PCDHGC3: variants seen among roughly 807,000 people sequenced by gnomAD.
PCDHGC3 encodes the protein protocadherin gamma-C3.
PCDHGC3 carries 26 observed loss-of-function variants against 59.2 expected under a neutral mutation model. The observed-to-expected ratio is 0.44, with a 90% confidence interval of 0.32 to 0.61. The LOEUF (loss-of-function observed/expected upper bound fraction) is 0.61, where lower values mean the gene tolerates loss of function less well. PCDHGC3 is among the 20% of genes least tolerant of loss of function. PCDHGC3 has a pLI of 0.05. For synonymous variants in PCDHGC3, 487 were observed against 519.7 expected (o/e 0.94, Z 0.86); for missense variants, 1,080 against 1,221.8 (o/e 0.88, Z 1.73).
intron 1 of PCDHGC3, among the ~76,000 whole-genome samples, chr5:141,483,767 T>C (rs2099586826): frequency 6.6e-6 from 1 of 151,840 alleles, no homozygotes; most frequent in Non-Finnish European, 1.5e-5. Flanking sequence ...CTTGGAAAAA[T>C]ATTGGGGAAG....
In PCDHGC3 at chr5:141,476,715, G is replaced by A. The variant is rs199871912; in HGVS notation, c.599G>A (p.Arg200His). 12 of 1,614,168 alleles carry A rather than the reference G, an allele frequency of 7.4e-6. No individual in the cohort carries two copies. The highest frequency in any genetic ancestry group is 1.7e-5 in the Admixed American group (1 of 60,032). Residue 200 changes from arginine (R) to histidine (H), a missense_variant, in exon 1 of 4, where the codon CGC becomes CAC. Arg to His is a conservative substitution (Grantham distance 29). Coordinates refer to ENST00000308177, the MANE Select transcript of PCDHGC3 (RefSeq NM_002588.4). The surrounding 1 kb of genome is among the most constrained non-coding windows in gnomAD (Gnocchi z 7.6). ...STKYAELVLE[R>H]ALDREREPSL... ...AAGTACGCGGAGCTGGTGTTGGAGC[G>A]CGCCCTGGACCGAGAACGGGAGCCT...
chr5:141,476,070 C>T lies in PCDHGC3; in HGVS notation c.-47C>T. ...CCCGCTGAAAGTTTCTCAGCGAAAT[C>T]TCAGGGACGATCTGGACCCCGCTGA... is the stretch of plus-strand genomic sequence containing the variant. On this transcript the variant is annotated 5_prime_UTR_variant, in exon 1 of 4. Transcript: ENST00000308177. This position sits in a 1 kb window ranked among gnomAD's most constrained non-coding sequence, Gnocchi z 7.6. 6.6e-7 allele frequency: 1 copy of T among 1,522,382 alleles called. No individual in the cohort carries two copies. The highest frequency in any genetic ancestry group is 1.3e-5 in the South Asian group (1 of 77,762). 94.3% of individuals were successfully genotyped at this position (1,522,382 alleles called of 1,614,324 possible). A position where few individuals can be genotyped will look rare whatever the true frequency, so the allele number is the denominator to read the frequency against.
chr5:141,505,053 T>C (rs904041070), intron 2 of PCDHGC3, among the ~76,000 whole-genome samples: 2 of 152,108 alleles, frequency 1.3e-5, no homozygotes, highest in African/African-American at 4.8e-5. Context: ...TCCCAGCTAC[T>C]TGGGAGACTG....
Position 141,489,767 on chromosome 5 carries a change from G to T in PCDHGC3, c.2431-5040G>T, listed in dbSNP as rs2099691977. On this transcript the variant is annotated intron_variant, in intron 1 of 3. Transcript: ENST00000308177. This position sits in a 1 kb window ranked among gnomAD's most constrained non-coding sequence, Gnocchi z 4.5. ...AGCTTTTACACTCTAAGCCCCAACA[G>T]CCACTTCTCTCTGAATGTGAAGACC... The T allele has an allele frequency of 6.2e-7, 1 of 1,614,028 alleles. No homozygotes were observed. Among genetic ancestry groups the T allele is most frequent in the African/African-American group, 1.3e-5 (1 of 74,938 alleles).
intron 1 of PCDHGC3, among the ~76,000 whole-genome samples, chr5:141,481,743 G>C (rs1257734207): frequency 1.3e-5 from 2 of 152,096 alleles, no homozygotes; most frequent in Non-Finnish European, 2.9e-5. Context: ...CACGAGGTCA[G>C]GAGTCCAAGA....
rs1219045744 is a variant in PCDHGC3 at position 141,476,783 on chromosome 5, G to T, written c.667G>T (p.Ala223Ser). The stretch of plus-strand genomic sequence containing the variant: ...GACGGCGTTGGACGGAGGGACCCCA[G>T]CTCTCTCCGCCAGCCTGCCTATTCA... The part of the protein sequence containing the change: ...VLTALDGGTP[A>S]LSASLPIHIK... Residue 223 changes from alanine to serine, a missense_variant, in exon 1 of 4, where the codon GCT becomes TCT. Ala to Ser is a moderately conservative substitution (Grantham distance 99). Transcript: ENST00000308177. The surrounding 1 kb of genome is among the most constrained non-coding windows in gnomAD (Gnocchi z 7.6). 5 of 1,613,392 alleles carry T rather than the reference G, an allele frequency of 3.1e-6. No homozygotes were observed. The highest frequency in any genetic ancestry group is 2.7e-5 in the African/African-American group (2 of 74,930).
chr5:141,476,587 G>A lies in PCDHGC3; in HGVS notation c.471G>A (p.Glu157=). The part of the protein sequence containing the change: ...AVAPGTRFPL[E]SAHDPDVGSN... ...CTCCGGGGACGCGCTTTCCGCTCGA[G>A]AGCGCGCACGATCCCGATGTGGGAA... Residue 157 remains glutamate, a synonymous_variant, in exon 1 of 4, where the codon GAG becomes GAA. Coordinates refer to ENST00000308177, the MANE Select transcript of PCDHGC3 (RefSeq NM_002588.4). The surrounding 1 kb of genome is among the most constrained non-coding windows in gnomAD (Gnocchi z 7.6). 6.2e-7 allele frequency: 1 copy of A among 1,614,234 alleles called. No homozygotes were observed. The highest frequency in any genetic ancestry group is 1.1e-5 in the South Asian group (1 of 91,086).
Position 141,489,454 on chromosome 5 carries a change from G to C in PCDHGC3, c.2431-5353G>C, listed in dbSNP as rs1177748773. 1 of 1,613,940 alleles carries C rather than the reference G, an allele frequency of 6.2e-7. No homozygotes were observed. The highest frequency in any genetic ancestry group is 1.3e-5 in the African/African-American group (1 of 74,906). On this transcript the variant is annotated intron_variant, in intron 1 of 3. Transcript: ENST00000308177. This position sits in a 1 kb window ranked among gnomAD's most constrained non-coding sequence, Gnocchi z 4.5. ...GCTGCAATTGGGCTCTGAGGAGAAT[G>C]GGCGCTATTTTTCCCTGAGCTTGAT...
rs1348847945 is a variant in PCDHGC3, at chr5:141,493,426, C to G, written c.2431-1381C>G. ...TGCCTCTGCTGGGATTTTGCTTCTG[C>G]TGGGATGGGGCAAGGGTGGGGTTCC... On this transcript the variant is annotated intron_variant, in intron 1 of 3. Transcript: ENST00000308177. The surrounding 1 kb of genome is among the most constrained non-coding windows in gnomAD (Gnocchi z 4.3). Among the ~76,000 whole-genome samples, 2 of 152,144 alleles carry G rather than the reference C, an allele frequency of 1.3e-5. No homozygotes were observed. The highest frequency in any genetic ancestry group is 4.8e-5 in the African/African-American group (2 of 41,424).
chr5:141,499,054 TGAA>T (rs2099789231), intron 2 of PCDHGC3, among the ~76,000 whole-genome samples: 1 of 150,820 alleles, frequency 6.6e-6, no homozygotes, highest in Non-Finnish European at 1.5e-5. Context: ...GGAGAAAAAA[TGAA>T]GAAGACTTAC....
chr5:141,507,816 TG>T (rs1478957063), intron 3 of PCDHGC3, among the ~76,000 whole-genome samples: 1 of 152,130 alleles, frequency 6.6e-6, no homozygotes, highest in African/African-American at 2.4e-5. Flanking sequence ...GAACGGACCC[TG>T]GGGGTGGAGG....
Position 141,487,302 on chromosome 5 carries a change from C to T in PCDHGC3, c.2431-7505C>T, listed in dbSNP as rs763268817. 3.7e-6 allele frequency: 6 copies of T among 1,614,154 alleles called. No homozygotes were observed. The highest frequency in any genetic ancestry group is 3.4e-6 in the Non-Finnish European group (4 of 1,180,002). On this transcript the variant is annotated intron_variant, in intron 1 of 3. Transcript: ENST00000308177. This position sits in a 1 kb window ranked among gnomAD's most constrained non-coding sequence, Gnocchi z 5.0. ...TTTGTCTCCTTTGGCTCATTCGTGGCACTACTCTCTAAGTGTCTTCGTGGG... is the reference window on the plus strand; with the variant it reads ...TTTGTCTCCTTTGGCTCATTCGTGGTACTACTCTCTAAGTGTCTTCGTGGG...
Position 141,487,390 on chromosome 5 carries a change from G to A in PCDHGC3, c.2431-7417G>A, listed in dbSNP as rs769886634. On this transcript the variant is annotated intron_variant, in intron 1 of 3. Coordinates refer to ENST00000308177, the MANE Select transcript of PCDHGC3 (RefSeq NM_002588.4). The surrounding 1 kb of genome is among the most constrained non-coding windows in gnomAD (Gnocchi z 5.0). The stretch of plus-strand genomic sequence containing the variant: ...GTGCCTGTCTCACCAGATCTCGAAG[G>A]AGGGAGGGGCTTCCCCCTTCCAATG... 1.2e-6 allele frequency: 2 copies of A among 1,614,182 alleles called. No homozygotes were observed. The highest frequency in any genetic ancestry group is 1.3e-5 in the African/African-American group (1 of 75,070).
At position 141,486,641 on chromosome 5, in the gene PCDHGC3, A is replaced by C; in HGVS notation, c.2430+8095A>C. On this transcript the variant is annotated intron_variant, in intron 1 of 3. Transcript: ENST00000308177. The surrounding 1 kb of genome is among the most constrained non-coding windows in gnomAD (Gnocchi z 5.0). ...CCCAGACTCTGGCTTGAATGCGCTTATCTCCTACTCACTCCTGGAGCCCAG... is the reference window on the plus strand; with the variant it reads ...CCCAGACTCTGGCTTGAATGCGCTTCTCTCCTACTCACTCCTGGAGCCCAG... 6.2e-7 allele frequency: 1 copy of C among 1,613,734 alleles called. No individual in the cohort carries two copies. The highest frequency in any genetic ancestry group is 1.6e-4 in the Middle Eastern group (1 of 6,062).
At position 141,476,097 on chromosome 5, in the gene PCDHGC3, A is replaced by G. The variant is rs1366023758; in HGVS notation, c.-20A>G. 1 of 1,571,812 alleles carries G rather than the reference A, an allele frequency of 6.4e-7. No individual in the cohort carries two copies. Among genetic ancestry groups the G allele is most frequent in the African/African-American group, 1.4e-5 (1 of 73,826 alleles). ...CAGGGACGATCTGGACCCCGCTGAG[A>G]GGAACTGCTTTTGAGTGAGATGGTC... On this transcript the variant is annotated 5_prime_UTR_variant, in exon 1 of 4. Coordinates refer to ENST00000308177, the MANE Select transcript of PCDHGC3 (RefSeq NM_002588.4). The surrounding 1 kb of genome is among the most constrained non-coding windows in gnomAD (Gnocchi z 7.6).
chr5:141,508,062 C>T (rs910730855), intron 3 of PCDHGC3: 2 of 152,316 alleles, frequency 1.3e-5, no homozygotes, highest in African/African-American at 4.8e-5. Flanking sequence ...TAATCAGCCT[C>T]CTTGGGCTAC....
At chr5:141,502,363 T>C (rs1216939790) in intron 2 of PCDHGC3, among the ~76,000 whole-genome samples, 2 of 152,100 alleles carry the variant, frequency 1.3e-5, no homozygotes, top group African/African-American at 4.8e-5. Context: ...ATGGATATTT[T>C]TAAAGAGTCC....
At position 141,511,411 on chromosome 5, in the gene PCDHGC3, A is replaced by G; in HGVS notation, c.*238A>G. On this transcript the variant is annotated 3_prime_UTR_variant, in exon 4 of 4. Coordinates refer to ENST00000308177, the MANE Select transcript of PCDHGC3 (RefSeq NM_002588.4). ...GAACCCCCATCCAATCAACTGCTGT[A>G]CCCATGGGGGTAGTGGGGTTACTGT... The G allele has an allele frequency of 1.1e-6, 1 of 901,334 alleles. No homozygotes were observed. Among genetic ancestry groups the G allele is most frequent in the Non-Finnish European group, 1.6e-6 (1 of 617,750 alleles). The allele number at this position is 901,334 out of a possible 1,614,324, so 55.8% of individuals were successfully genotyped here. A position where few individuals can be genotyped will look rare whatever the true frequency, so the allele number is the denominator to read the frequency against.
chr5:141,510,613 C>T (rs559713771), intron 3 of PCDHGC3, among the ~76,000 whole-genome samples: 17 of 152,298 alleles, frequency 1.1e-4, no homozygotes, highest in Admixed American at 2.0e-4. Context: ...TTAGCATTCA[C>T]TAAAACCAGA....
Sources: gnomAD v4.1 joint callset for allele counts (sites outside exome capture counted in the v4.1 genomes callset) on GRCh38, gnomAD v4.1.1 for gene constraint, Gnocchi (gnomAD v3.1) non-coding constraint, MANE v1.5 for transcripts, NCBI Gene and HGNC (gene_info 2026-07-23, HGNC 2026-07-21) for gene names.